The following TNS3 variants were observed in gnomAD, a reference collection of about 807,000 sequenced individuals.
The protein encoded by TNS3 is tensin-3.
In TNS3, 45 loss-of-function variants were observed where a neutral mutation model predicts 140.9. The ratio of observed to expected loss-of-function variants is 0.32; its 90% CI spans 0.25 to 0.41. The LOEUF (loss-of-function observed/expected upper bound fraction) is 0.41, where lower values mean the gene tolerates loss of function less well. Ranked by LOEUF, TNS3 falls within the 10% of genes least tolerant of loss-of-function variation. The probability of loss-of-function intolerance (pLI) is 1.00; values close to 1 mark genes in which losing one functional copy is unlikely to be tolerated. For missense variants in TNS3, 1,716 were observed against 1,906.7 expected (o/e 0.90, Z 1.86); for synonymous variants, 815 against 788.4 (o/e 1.03, Z -0.56).
intron 20 of TNS3, among the ~76,000 whole-genome samples, chr7:47,341,955 C>T (rs775914621): frequency 6.6e-6 from 1 of 152,056 alleles, no homozygotes; most frequent in Non-Finnish European, 1.5e-5. Flanking sequence ...TCCCTCGAGA[C>T]CTCTTCTTTG....
chr7:47,284,416 T>G (rs1344697075), intron 27 of TNS3, among the ~76,000 whole-genome samples: 1 of 152,206 alleles, frequency 6.6e-6, no homozygotes, highest in Admixed American at 6.5e-5. Context: ...CGGCCTCACC[T>G]GTGTCCTGGC....
intron 20 of TNS3, among the ~76,000 whole-genome samples, chr7:47,323,150 C>T (rs1175241328): frequency 6.6e-6 from 1 of 152,234 alleles, no homozygotes; most frequent in Non-Finnish European, 1.5e-5. Flanking sequence ...CACGGAGCCA[C>T]ATTTCTGAAA....
intron 1 of TNS3, among the ~76,000 whole-genome samples, chr7:47,530,551 C>A (rs969093565): frequency 6.6e-6 from 1 of 151,670 alleles, no homozygotes; most frequent in Non-Finnish European, 1.5e-5. Context: ...TGGCCAGGCT[C>A]GGTGGCTCAC....
intron 20 of TNS3, among the ~76,000 whole-genome samples, chr7:47,340,115 ATTTTTTTT>A (rs770520080): frequency 1.9e-3 from 54 of 28,568 alleles, no homozygotes; most frequent in African/African-American, 5.3e-3. Context: ...ATATATATAT[ATTTTTTTT>A]TTTTTTTTTT....
intron 1 of TNS3, among the ~76,000 whole-genome samples, chr7:47,572,635 G>A (rs1367880160): frequency 2.0e-5 from 3 of 152,170 alleles, no homozygotes; most frequent in African/African-American, 7.2e-5. Flanking sequence ...CAGCACTTTG[G>A]GAGGCCGAGG....
intron 4 of TNS3, among the ~76,000 whole-genome samples, chr7:47,460,814 T>C (rs748360098): frequency 4.6e-5 from 7 of 152,146 alleles, no homozygotes; most frequent in Non-Finnish European, 7.4e-5. Flanking sequence ...TGCCAAAATA[T>C]TGAAGGAGGA....
chr7:47,345,868 C>G (rs1007644338), intron 18 of TNS3, among the ~76,000 whole-genome samples: 1 of 152,260 alleles, frequency 6.6e-6, no homozygotes, highest in Non-Finnish European at 1.5e-5. Context: ...CACCCACATG[C>G]TGTGCTCCTT....
At chr7:47,530,569 A>G (rs1799354704) in intron 1 of TNS3, among the ~76,000 whole-genome samples, 1 of 151,842 alleles carries the variant, frequency 6.6e-6, no homozygotes, top group Admixed American at 6.6e-5. Flanking sequence ...CACACCTGTA[A>G]TCCGAGCACT....
At chr7:47,454,248 C>A (rs1236584791) in intron 4 of TNS3, among the ~76,000 whole-genome samples, 1 of 152,162 alleles carries the variant, frequency 6.6e-6, no homozygotes, top group Non-Finnish European at 1.5e-5. Context: ...AGGCTCAGCT[C>A]CACAAGGCAG....
At chr7:47,534,683 C>T (rs1425134834) in intron 1 of TNS3, among the ~76,000 whole-genome samples, 1 of 152,136 alleles carries the variant, frequency 6.6e-6, no homozygotes, top group Non-Finnish European at 1.5e-5. Context: ...ATTTAAGGTA[C>T]TGTTATTATG....
At chr7:47,490,895 G>C (rs944975853) in intron 3 of TNS3, among the ~76,000 whole-genome samples, 2 of 152,208 alleles carry the variant, frequency 1.3e-5, no homozygotes, top group Non-Finnish European at 2.9e-5. Context: ...CACAGCCCCA[G>C]CATGCCCAGA....
intron 13 of TNS3, among the ~76,000 whole-genome samples, chr7:47,408,853 T>C (rs902845919): frequency 6.6e-6 from 1 of 151,942 alleles, no homozygotes; most frequent in Admixed American, 6.6e-5. Flanking sequence ...TGGAGCCAAC[T>C]CACAGGACAC....
At chr7:47,296,218 A>C (rs1786011614) in intron 24 of TNS3, among the ~76,000 whole-genome samples, 1 of 152,214 alleles carries the variant, frequency 6.6e-6, no homozygotes, top group Admixed American at 6.5e-5. Flanking sequence ...AATAGAATGG[A>C]TCAATTGGCT....
At chr7:47,554,318 C>T (rs1456599622) in intron 1 of TNS3, among the ~76,000 whole-genome samples, 9 of 149,720 alleles carry the variant, frequency 6.0e-5, no homozygotes, top group Non-Finnish European at 7.4e-5. Context: ...CTCGGGAGGC[C>T]GAGACAGGAG....
At chr7:47,415,313 A>C (rs1794018855) in intron 10 of TNS3, 107 bp from the exon 11 acceptor site, 2 of 740,908 alleles carry the variant, frequency 2.7e-6, no homozygotes, top group Non-Finnish European at 4.4e-6. Flanking sequence ...GCTCTGGGAG[A>C]GAATCGGTCC....
At chr7:47,322,941 T>C (rs565555791) in intron 20 of TNS3, among the ~76,000 whole-genome samples, 1 of 152,242 alleles carries the variant, frequency 6.6e-6, no homozygotes, top group African/African-American at 2.4e-5. Context: ...CTGTGTCTCA[T>C]TCACTGTCAC....
intron 1 of TNS3, among the ~76,000 whole-genome samples, chr7:47,561,551 T>C (rs1041733441): frequency 1.9e-4 from 29 of 152,156 alleles, no homozygotes; most frequent in African/African-American, 7.0e-4. Context: ...AGGAAGCTCA[T>C]AGCCAAATCA....
intron 16 of TNS3, among the ~76,000 whole-genome samples, chr7:47,372,698 G>A (rs1328505066): frequency 6.6e-6 from 1 of 152,108 alleles, no homozygotes; most frequent in Non-Finnish European, 1.5e-5. Context: ...GGGTCTCATC[G>A]AATCCTGACA....
At chr7:47,538,493 G>A (rs1165366139) in intron 1 of TNS3, among the ~76,000 whole-genome samples, 1 of 152,098 alleles carries the variant, frequency 6.6e-6, no homozygotes, top group Non-Finnish European at 1.5e-5. Context: ...CAGATCTACA[G>A]CTCCACTTGC....
Sources: gnomAD v4.1 joint callset for allele counts (sites outside exome capture counted in the v4.1 genomes callset) on GRCh38, gnomAD v4.1.1 for gene constraint, MANE v1.5 for transcripts, NCBI Gene and HGNC (gene_info 2026-07-23, HGNC 2026-07-21) for gene names.